Variants in LIFR observed in about 807,000 individuals in gnomAD.
LIFR encodes the protein leukemia inhibitory factor receptor.
In LIFR, 84 loss-of-function variants were observed where a neutral mutation model predicts 122.2. That is an observed-to-expected ratio of 0.69 (90% CI 0.58 to 0.82). The LOEUF (loss-of-function observed/expected upper bound fraction) is 0.82, where lower values mean the gene tolerates loss of function less well. Among genes scored for constraint, LIFR ranks in the 40% least tolerant of loss-of-function variants. The pLI, the probability that LIFR is intolerant of heterozygous loss-of-function variation, is 0.00. For synonymous variants in LIFR, 422 were observed against 434.7 expected, an observed-to-expected ratio of 0.97 and a Z score of 0.36; for missense variants, 1,294 against 1,311.6, an observed-to-expected ratio of 0.99 and a Z score of 0.21.
At chr5:38,537,802 A>T (rs1747371814) in intron 1 of LIFR, among the ~76,000 whole-genome samples, 1 of 152,034 alleles carries the variant, frequency 6.6e-6, no homozygotes, top group African/African-American at 2.4e-5. Flanking sequence ...TCCTTTTTCT[A>T]ATTGGGCATT....
intron 1 of LIFR, among the ~76,000 whole-genome samples, chr5:38,576,079 C>A (rs1025884507): frequency 1.3e-5 from 2 of 152,108 alleles, no homozygotes; most frequent in African/African-American, 2.4e-5. Flanking sequence ...ATACTAATGC[C>A]GTGGTTTAAT....
At chr5:38,532,781 C>G (rs1747083951) in intron 1 of LIFR, among the ~76,000 whole-genome samples, 1 of 152,212 alleles carries the variant, frequency 6.6e-6, no homozygotes, top group African/African-American at 2.4e-5. Flanking sequence ...TGAACAGAGC[C>G]TTCCGAAGTA....
chr5:38,557,867 C>T (rs747025561), upstream of LIFR: 10 of 152,064 alleles, frequency 6.6e-5, no homozygotes, highest in Non-Finnish European at 1.2e-4. Context: ...ACACTAAAAA[C>T]GCCTCCTGTT....
intron 5 of LIFR, among the ~76,000 whole-genome samples, chr5:38,522,945 A>C (rs2112542764): frequency 6.6e-6 from 1 of 152,312 alleles, no homozygotes; most frequent in South Asian, 2.1e-4. Context: ...CTTAGAGGCC[A>C]TTCATAAACA....
At position 38,510,457 on chromosome 5, in the gene LIFR, T is replaced by C. The variant is rs2112491534; in HGVS notation, c.991+7A>G. On this transcript the variant is annotated splice_region_variant and intron_variant, in intron 7 of 19. Transcript: ENST00000453190. ...TAGGAATTCTCTCTTTAAAATCATA[T>C]ACTTACATCCAGCAAAAATAACGGT... The C allele has an allele frequency of 3.7e-6, 6 of 1,611,442 alleles. No homozygotes were observed. In the South Asian group the frequency reaches 4.4e-5, roughly 12 times the overall value.
intron 1 of LIFR, among the ~76,000 whole-genome samples, chr5:38,555,328 G>A (rs1250412924): frequency 6.6e-6 from 1 of 152,142 alleles, no homozygotes; most frequent in Non-Finnish European, 1.5e-5. Flanking sequence ...AGTAGCATTC[G>A]CGCTGAAAAA....
At chr5:38,524,725 T>C (rs1457956880) in intron 4 of LIFR, among the ~76,000 whole-genome samples, 1 of 152,042 alleles carries the variant, frequency 6.6e-6, no homozygotes, top group Non-Finnish European at 1.5e-5. Flanking sequence ...AAGGAACTGA[T>C]TGAGTGTAGT....
At chr5:38,560,124 A>G (rs578167148), upstream of LIFR, among the ~76,000 whole-genome samples, 13 of 152,276 alleles carry the variant, frequency 8.5e-5, no homozygotes, top group African/African-American at 3.1e-4. Context: ...AGTGTTTATC[A>G]GTCAGCAGGA....
chr5:38,493,761 A>G lies in LIFR; in HGVS notation c.1910T>C (p.Val637Ala). The change falls in exon 14 of 20, where the codon GTT becomes GCT. Residue 637 changes from valine to alanine, a missense_variant. Transcript: ENST00000453190. Reference protein sequence around the residue: ...PNDDLKIEQVVGMGKGILLTW... With the variant: ...PNDDLKIEQVAGMGKGILLTW... ...GAGGAGAATCCCCTTTCCCATCCCA[A>G]CAACTTGTTCTATTTTGAGATCATC... 1 of 1,614,100 alleles carries G rather than the reference A, an allele frequency of 6.2e-7. No homozygotes were observed. The highest frequency in any genetic ancestry group is 1.3e-5 in the African/African-American group (1 of 75,038).
At chr5:38,539,694 G>C (rs1338857804) in intron 1 of LIFR, among the ~76,000 whole-genome samples, 1 of 151,792 alleles carries the variant, frequency 6.6e-6, no homozygotes, top group Non-Finnish European at 1.5e-5. Context: ...GTAATACATA[G>C]AGTAAAACTA....
intron 1 of LIFR, among the ~76,000 whole-genome samples, chr5:38,548,218 T>C (rs922539120): frequency 6.6e-6 from 1 of 152,162 alleles, no homozygotes. Context: ...TCACAGAAGA[T>C]ATATAGTAGC....
At chr5:38,540,228 T>A (rs899052203) in intron 1 of LIFR, among the ~76,000 whole-genome samples, 3 of 152,196 alleles carry the variant, frequency 2.0e-5, no homozygotes, top group Non-Finnish European at 2.9e-5. Context: ...CTTTCCCTAC[T>A]TTAAGTATCA....
In LIFR at chr5:38,541,941, G is replaced by T. The variant is rs1230854944; in HGVS notation, c.-19-11275C>A. Among the ~76,000 whole-genome samples, 7 of 152,180 alleles carry T rather than the reference G, an allele frequency of 4.6e-5. No individual in the cohort carries two copies. In the East Asian group the frequency reaches 1.2e-3, roughly 25 times the overall value. On this transcript the variant is annotated intron_variant, in intron 1 of 19. Coordinates refer to ENST00000453190, the MANE Select transcript of LIFR (RefSeq NM_001127671.2). ...ATAAGCTGGGCCAATATTGTAAGAT[G>T]GCCATAAAAATATTAAGAAGGACTA...
intron 1 of LIFR, among the ~76,000 whole-genome samples, chr5:38,582,047 CTTTTTTTTTCCT>C: frequency 6.8e-6 from 1 of 146,448 alleles, no homozygotes; most frequent in Admixed American, 7.1e-5. Flanking sequence ...ATGACCACTT[CTTTTTTTTTCCT>C]TTTTTTTTTT....
At chr5:38,597,297 G>A (rs1750125902), upstream of LIFR, among the ~76,000 whole-genome samples, 1 of 152,188 alleles carries the variant, frequency 6.6e-6, no homozygotes, top group Non-Finnish European at 1.5e-5. Flanking sequence ...ATGAGATTAT[G>A]AACTTAGGAC....
At chr5:38,516,322 G>C (rs1746078040) in intron 5 of LIFR, among the ~76,000 whole-genome samples, 1 of 152,052 alleles carries the variant, frequency 6.6e-6, no homozygotes. Flanking sequence ...ATCTGACAAA[G>C]GGCTAATATC....
intron 1 of LIFR, among the ~76,000 whole-genome samples, chr5:38,555,311 A>C (rs966788603): frequency 1.3e-5 from 2 of 152,182 alleles, no homozygotes; most frequent in Non-Finnish European, 2.9e-5. Context: ...ATGTAAGGGG[A>C]AGGGCAAGTA....
chr5:38,554,079 A>C (rs1260496795), intron 1 of LIFR, among the ~76,000 whole-genome samples: 28 of 152,210 alleles, frequency 1.8e-4, no homozygotes, highest in Admixed American at 1.8e-3. Context: ...CCTCATCTTC[A>C]ATTTAATCAA....
chr5:38,548,994 C>T (rs1437148183), intron 1 of LIFR, among the ~76,000 whole-genome samples: 2 of 152,030 alleles, frequency 1.3e-5, no homozygotes, highest in East Asian at 1.9e-4. Flanking sequence ...ATGTGGGCAC[C>T]GTGAGCTGGA....
Sources: gnomAD v4.1 joint callset for allele counts (sites outside exome capture counted in the v4.1 genomes callset) on GRCh38, gnomAD v4.1.1 for gene constraint, MANE v1.5 for transcripts, NCBI Gene and HGNC (gene_info 2026-07-23, HGNC 2026-07-21) for gene names.